TMPRSS9: variants seen among roughly 807,000 people sequenced by gnomAD.
TMPRSS9 encodes transmembrane serine protease 9.
A neutral mutation model predicts 111.4 loss-of-function variants in TMPRSS9; 113 were observed. The observed-to-expected ratio is 1.01, with a 90% CI of 0.87 to 1.19. TMPRSS9 has a LOEUF of 1.19. Among genes scored for constraint, TMPRSS9 ranks in the 50% most tolerant of loss-of-function variants. The probability of loss-of-function intolerance (pLI) is 0.00; values close to 1 mark genes in which losing one functional copy is unlikely to be tolerated. For synonymous variants in TMPRSS9, 805 were observed against 659.1 expected, an observed-to-expected ratio of 1.22 and a Z score of -3.39; for missense variants, 1,803 against 1,513.1, an observed-to-expected ratio of 1.19 and a Z score of -3.18.
chr19:2,363,789 A>C (rs7256144), intron 1 of TMPRSS9, among the ~76,000 whole-genome samples: 5 of 90,700 alleles, frequency 5.5e-5, no homozygotes, highest in African/African-American at 2.5e-4. Context: ...TCTGTGTGTG[A>C]GTGTGTGTGT....
chr19:2,400,415 GC>G (rs1192419118), intron 4 of TMPRSS9, among the ~76,000 whole-genome samples: 3 of 152,060 alleles, frequency 2.0e-5, no homozygotes, highest in Admixed American at 6.6e-5. Context: ...GGTGGCACGT[GC>G]CTGTAATCCC....
At chr19:2,396,030 C>G (rs539007929) in intron 1 of TMPRSS9, 1 of 152,660 alleles carries the variant, frequency 6.6e-6, no homozygotes, top group East Asian at 1.9e-4. Context: ...ACAAACCAAC[C>G]AGTGGTTTTT....
At chr19:2,410,290 G>C in exon 9 of TMPRSS9, 1 of 1,614,040 alleles carries the variant, frequency 6.2e-7, no homozygotes, top group Non-Finnish European at 8.5e-7. Context: ...GAAAGCCACT[G>C]TGGAGCTGCT....
chr19:2,361,001 C>G (rs947498649), intron 1 of TMPRSS9, among the ~76,000 whole-genome samples: 1 of 149,690 alleles, frequency 6.7e-6, no homozygotes, highest in Non-Finnish European at 1.5e-5. Context: ...CGCCGAAGCC[C>G]TCCCCATCCC....
In TMPRSS9 at chr19:2,377,291, ATATATGTATGTATG is replaced by A. The variant is rs1568169909; in HGVS notation, c.-25-12466_-25-12453del. Among the ~76,000 whole-genome samples the A allele has an allele frequency of 4.6e-3, 538 of 117,742 alleles. 4 individuals are homozygous for A. Among genetic ancestry groups the A allele is most frequent in the African/African-American group, 0.026 (511 of 19,468 alleles). 77.2% of individuals were successfully genotyped at this position (117,742 alleles called of 152,430 possible). ...TATGTATGTATGTATGTATGTATGTATATATGTATGTATGTATGTATGTATTTGAGATGGGGTCT... is the reference window on the plus strand; with the variant it reads ...TATGTATGTATGTATGTATGTATGTATATGTATGTATTTGAGATGGGGTCT... On this transcript the variant is annotated intron_variant, in intron 1 of 17. Coordinates refer to the TMPRSS9 transcript ENST00000649857.
At position 2,418,346 on chromosome 19, in the gene TMPRSS9, T is replaced by TCCCTTTCC. The variant is rs375110650; in HGVS notation, c.2154+208_2154+209insCCCTTTCC. ...CCCTCCCTCCCTTTCCTTCCCTCCCTTTCCCTCCCTCCCTCCCTTCCCTTC... is the reference window on the plus strand; with the variant it reads ...CCCTCCCTCCCTTTCCTTCCCTCCCTCCCTTTCCTTCCCTCCCTCCCTCCCTTCCCTTC... On this transcript the variant is annotated intron_variant, in intron 13 of 17. Transcript: ENST00000648592. 4.5e-4 allele frequency among the ~76,000 whole-genome samples: 13 copies of TCCCTTTCC among 29,124 alleles called. 1 individual carries two copies. Among genetic ancestry groups the TCCCTTTCC allele is most frequent in the African/African-American group, 4.6e-4 (2 of 4,360 alleles). 19.1% of individuals were successfully genotyped at this position (29,124 alleles called of 152,430 possible).
At chr19:2,362,529 T>G (rs1970209032) in intron 1 of TMPRSS9, among the ~76,000 whole-genome samples, 1 of 151,974 alleles carries the variant, frequency 6.6e-6, no homozygotes, top group Non-Finnish European at 1.5e-5. Context: ...TGATGAGAAT[T>G]GCATGATTTT....
At chr19:2,370,511 T>C (rs1970280181) in intron 1 of TMPRSS9, among the ~76,000 whole-genome samples, 1 of 151,974 alleles carries the variant, frequency 6.6e-6, no homozygotes, top group Non-Finnish European at 1.5e-5. Flanking sequence ...TTATTTTTTG[T>C]GGAGATGGGG....
chr19:2,394,676 G>A (rs1005636669), intron 1 of TMPRSS9, among the ~76,000 whole-genome samples: 2 of 152,150 alleles, frequency 1.3e-5, no homozygotes. Context: ...ATATGGCTAC[G>A]TAAATACCCA....
At position 2,418,316 on chromosome 19, in the gene TMPRSS9, TCCCTCCCTCCCTC is replaced by T. The variant is rs1971317262; in HGVS notation, c.2154+181_2154+193del. 1.3e-4 allele frequency among the ~76,000 whole-genome samples: 3 copies of T among 23,922 alleles called. No homozygotes were observed. The African/African-American group carries it at 1.3e-3, about 11-fold the overall frequency. 15.7% of individuals were successfully genotyped at this position (23,922 alleles called of 152,430 possible). ...CTTTCCTTCCCTCCCTTTCCCTCCC[TCCCTCCCTCCCTC>T]CCTTTCCTTCCCTCCCTTTCCCTCC... On this transcript the variant is annotated intron_variant, in intron 13 of 17. Transcript: ENST00000648592.
chr19:2,425,691 C>T (rs898059898), intron 17 of TMPRSS9, 198 bp downstream of exon 18: 57 of 1,234,768 alleles, frequency 4.6e-5, no homozygotes, highest in Middle Eastern at 5.7e-4. Flanking sequence ...CATCCCATCC[C>T]CGGGCCTCGG....
At chr19:2,402,118 C>A (rs72971464) in intron 5 of TMPRSS9, 102 bp downstream of exon 6, 4 of 1,170,174 alleles carry the variant, frequency 3.4e-6, no homozygotes, top group East Asian at 3.1e-5. Context: ...CGAGGCTGGG[C>A]GCGGTGGCTC....
intron 4 of TMPRSS9, among the ~76,000 whole-genome samples, chr19:2,399,930 A>G (rs1382849165): frequency 1.3e-5 from 2 of 152,052 alleles, no homozygotes; most frequent in East Asian, 3.9e-4. Flanking sequence ...GGGTTTCACC[A>G]TGTGTACTGG....
chr19:2,382,926 C>G (rs1300793245), intron 1 of TMPRSS9, among the ~76,000 whole-genome samples: 1 of 152,204 alleles, frequency 6.6e-6, no homozygotes, highest in Non-Finnish European at 1.5e-5. Context: ...ATGCTGCAGT[C>G]TCAAGCCCAA....
chr19:2,389,199 G>A (rs1384872888), upstream of TMPRSS9, among the ~76,000 whole-genome samples: 12 of 148,618 alleles, frequency 8.1e-5, no homozygotes, highest in Admixed American at 4.1e-4. Flanking sequence ...TCAGCCTCCC[G>A]AGTAGCTGGG....
At chr19:2,400,250 T>C (rs187933553) in intron 4 of TMPRSS9, among the ~76,000 whole-genome samples, 18 of 152,322 alleles carry the variant, frequency 1.2e-4, no homozygotes, top group Non-Finnish European at 1.8e-4. Context: ...TCTAATAAAA[T>C]TGTATGGAAG....
At chr19:2,405,008 T>C (rs1334447889) in intron 6 of TMPRSS9, among the ~76,000 whole-genome samples, 1 of 150,640 alleles carries the variant, frequency 6.6e-6, no homozygotes, top group African/African-American at 2.4e-5. Flanking sequence ...TATATAATTA[T>C]AGAATTACAA....
In TMPRSS9 at chr19:2,424,542, C is replaced by CCCCA. The variant is rs1971556298; in HGVS notation, c.2717+286_2717+287insCCAC. Among the ~76,000 whole-genome samples, 2 of 140,522 alleles carry CCCCA rather than the reference C, an allele frequency of 1.4e-5. 1 individual carries two copies. The highest frequency in any genetic ancestry group is 5.4e-5 in the African/African-American group (2 of 36,998). The allele number at this position is 140,522 out of a possible 152,430, so 92.2% of individuals were successfully genotyped here. On this transcript the variant is annotated intron_variant, in intron 15 of 17. Coordinates refer to ENST00000648592, the Ensembl canonical transcript of TMPRSS9. ...CTAACCCGGAAGCTGCGGCCCCCCC[C>CCCCA]CTCCAGCTCCAGGCTAAGCCCACGG...
At chr19:2,398,348 G>A (rs1474162398) in intron 2 of TMPRSS9, among the ~76,000 whole-genome samples, 1 of 151,268 alleles carries the variant, frequency 6.6e-6, no homozygotes, top group Non-Finnish European at 1.5e-5. Flanking sequence ...TCTGGGCGTG[G>A]TGGCTCACAA....
Sources: gnomAD v4.1 joint callset for allele counts (sites outside exome capture counted in the v4.1 genomes callset) on GRCh38, gnomAD v4.1.1 for gene constraint, MANE v1.5 for transcripts, NCBI Gene and HGNC (gene_info 2026-07-23, HGNC 2026-07-21) for gene names.